The following NOSTRIN variants were observed in gnomAD, a reference collection of about 807,000 sequenced individuals.
NOSTRIN encodes nitric oxide synthase trafficking.
Under a neutral mutation model 59.0 loss-of-function variants are expected in NOSTRIN, and 63 were observed. The ratio of observed to expected loss-of-function variants is 1.07; its 90% confidence interval spans 0.87 to 1.32. The LOEUF (loss-of-function observed/expected upper bound fraction) is 1.32. Among genes scored for constraint, NOSTRIN ranks in the 40% most tolerant of loss-of-function variants. The pLI, the probability that NOSTRIN is intolerant of heterozygous loss-of-function variation, is 0.00. For synonymous variants in NOSTRIN, 200 were observed against 165.4 expected (o/e 1.21, Z -1.61); for missense variants, 512 against 473.1 (o/e 1.08, Z -0.76).
intron 7 of NOSTRIN, among the ~76,000 whole-genome samples, chr2:168,842,045 A>G (rs1367192259): frequency 6.6e-6 from 1 of 152,208 alleles, no homozygotes; most frequent in Admixed American, 6.5e-5. Context: ...CTTATGATCT[A>G]CAGTCAGACA....
chr2:168,804,087 T>C (rs1343592851), intron 1 of NOSTRIN, among the ~76,000 whole-genome samples: 3 of 152,114 alleles, frequency 2.0e-5, no homozygotes, highest in East Asian at 3.8e-4. Flanking sequence ...TTTAATTAAG[T>C]TTAAAAAGAG....
chr2:168,812,775 T>C lies in NOSTRIN; in HGVS notation c.113+1123T>C, dbSNP rs531728046. ...GCAGATAAGCAAGTGTTGGACTGTC[T>C]TTAGGTGGGAAAGGCAGAGAGAGGG... On this transcript the variant is annotated intron_variant, in intron 2 of 15. Transcript: ENST00000317647. Among the ~76,000 whole-genome samples, 4 of 152,288 alleles carry C rather than the reference T, an allele frequency of 2.6e-5. No homozygotes were observed. The South Asian group carries it at 8.3e-4, about 32-fold the overall frequency.
intron 8 of NOSTRIN, among the ~76,000 whole-genome samples, chr2:168,849,625 G>A (rs1688631608): frequency 6.9e-6 from 1 of 144,208 alleles, no homozygotes; most frequent in African/African-American, 2.7e-5. Context: ...CAAAATGCTG[G>A]GATTATAGGC....
At chr2:168,809,407 G>A (rs544245078) in intron 1 of NOSTRIN, among the ~76,000 whole-genome samples, 1 of 152,288 alleles carries the variant, frequency 6.6e-6, no homozygotes, top group South Asian at 2.1e-4. Context: ...CAAAGGGGGA[G>A]GGAGGCTGAG....
chr2:168,798,086 T>C (rs549675298), upstream of NOSTRIN: 1 of 152,338 alleles, frequency 6.6e-6, no homozygotes, highest in African/African-American at 2.4e-5. Context: ...GTAAACGTTA[T>C]ATAAATAGTC....
In NOSTRIN at chr2:168,807,281, C is replaced by CAG. The variant is rs561580911; in HGVS notation, c.28-4274_28-4273dup. 6.1e-4 allele frequency among the ~76,000 whole-genome samples: 92 copies of CAG among 151,894 alleles called. No individual in the cohort carries two copies. In the South Asian group the frequency reaches 0.011, roughly 19 times the overall value. ...ACACACACATACATACACACACACA[C>CAG]AGAGAGAGAGAGAACTATATGGTCT... On this transcript the variant is annotated intron_variant, in intron 1 of 15. Coordinates refer to ENST00000317647, the MANE Select transcript of NOSTRIN (RefSeq NM_001039724.4).
chr2:168,797,368 A>T (rs145474561), upstream of NOSTRIN, among the ~76,000 whole-genome samples: 8 of 152,200 alleles, frequency 5.3e-5, no homozygotes, highest in Admixed American at 1.3e-4. Context: ...AAGTATTGAG[A>T]TAACAGGCAT....
intron 7 of NOSTRIN, among the ~76,000 whole-genome samples, chr2:168,841,695 A>G (rs1688116523): frequency 1.3e-5 from 2 of 152,186 alleles, no homozygotes; most frequent in African/African-American, 4.8e-5. Flanking sequence ...GGCCAAGGGA[A>G]ATCTTCCCTT....
chr2:168,813,730 G>C (rs1686266521), intron 2 of NOSTRIN, among the ~76,000 whole-genome samples: 1 of 152,068 alleles, frequency 6.6e-6, no homozygotes, highest in Non-Finnish European at 1.5e-5. Flanking sequence ...CTACTGGTTA[G>C]CAAAATTACA....
upstream of NOSTRIN, among the ~76,000 whole-genome samples, chr2:168,799,210 TC>T (rs1488540559): frequency 2.6e-5 from 4 of 152,202 alleles, no homozygotes; most frequent in African/African-American, 9.7e-5. Context: ...GAAACTATGC[TC>T]TTGGGTTGCA....
chr2:168,796,221 G>A (rs1034315669), upstream of NOSTRIN, among the ~76,000 whole-genome samples: 2 of 152,238 alleles, frequency 1.3e-5, no homozygotes, highest in African/African-American at 4.8e-5. Context: ...GCTCAAACAG[G>A]CCAAGGACTA....
In NOSTRIN at chr2:168,790,292, A is replaced by G. The variant is rs186482531; in HGVS notation, c.-473+2244A>G. On this transcript the variant is annotated intron_variant, in intron 2 of 20. Coordinates refer to the NOSTRIN transcript ENST00000458381. Reference sequence around the variant, plus strand: ...TATGAGTTCATATGATAAAATTAATATATAATAAACTGAAAATGTGATGAG... The same window carrying G: ...TATGAGTTCATATGATAAAATTAATGTATAATAAACTGAAAATGTGATGAG... 3.1e-3 allele frequency among the ~76,000 whole-genome samples: 474 copies of G among 152,324 alleles called. 1 individual carries two copies. The highest frequency in any genetic ancestry group is 0.011 in the African/African-American group (437 of 41,572).
intron 15 of NOSTRIN, among the ~76,000 whole-genome samples, chr2:168,862,334 CTGAT>C (rs1010569837): frequency 1.3e-4 from 20 of 152,196 alleles, no homozygotes; most frequent in African/African-American, 4.8e-4. Flanking sequence ...GCAGAGGAGA[CTGAT>C]ACACAGGAAG....
intron 5 of NOSTRIN, 63 bp from the exon 6 acceptor site, chr2:168,831,409 G>A (rs1337955042): frequency 2.1e-5 from 17 of 819,838 alleles, no homozygotes; most frequent in Non-Finnish European, 3.5e-5. Flanking sequence ...CGAACATTTA[G>A]TCTATTACAG....
At chr2:168,863,694 G>A (rs1427258119) in intron 15 of NOSTRIN, 2 of 973,630 alleles carry the variant, frequency 2.1e-6, no homozygotes, top group African/African-American at 1.8e-5. Flanking sequence ...CTTTTGGCCT[G>A]TGAAATCAGG....
chr2:168,811,770 C>A, intron 2 of NOSTRIN, 118 bp downstream of exon 2: 1 of 508,620 alleles, frequency 2.0e-6, no homozygotes, highest in Non-Finnish European at 3.5e-6. Flanking sequence ...TATTTTGGTA[C>A]TCGAGAGATT....
intron 2 of NOSTRIN, among the ~76,000 whole-genome samples, chr2:168,790,878 G>T (rs1182822080): frequency 6.6e-6 from 1 of 152,136 alleles, no homozygotes; most frequent in Non-Finnish European, 1.5e-5. Context: ...GAAGGTGAAG[G>T]AGCATTAGAT....
At chr2:168,864,034 C>G (rs1689675826) in intron 15 of NOSTRIN, among the ~76,000 whole-genome samples, 1 of 152,068 alleles carries the variant, frequency 6.6e-6, no homozygotes, top group African/African-American at 2.4e-5. Flanking sequence ...CCTCAGTCTC[C>G]CAAGCTCACT....
At chr2:168,798,450 G>T (rs536757818), upstream of NOSTRIN, among the ~76,000 whole-genome samples, 63 of 152,232 alleles carry the variant, frequency 4.1e-4, 4 homozygotes, top group South Asian at 0.013. Flanking sequence ...TACTCATGTT[G>T]TTAACTCCCC....
Sources: gnomAD v4.1 joint callset for allele counts (sites outside exome capture counted in the v4.1 genomes callset) on GRCh38, gnomAD v4.1.1 for gene constraint, MANE v1.5 for transcripts, NCBI Gene and HGNC (gene_info 2026-07-23, HGNC 2026-07-21) for gene names.